The following CDC42BPA variants were observed in gnomAD, a reference collection of about 807,000 sequenced individuals.
CDC42BPA encodes the protein serine/threonine-protein kinase MRCK alpha.
CDC42BPA carries 80 observed loss-of-function variants against 223.5 expected under a neutral mutation model. The ratio of observed to expected loss-of-function variants is 0.36; its 90% CI spans 0.30 to 0.43. The LOEUF (loss-of-function observed/expected upper bound fraction) is 0.43. Among genes scored for constraint, CDC42BPA ranks in the 20% least tolerant of loss-of-function variants. The pLI is 1.00. For missense variants in CDC42BPA, 1,743 were observed against 2,099.9 expected, an observed-to-expected ratio of 0.83 and a Z score of 3.32; for synonymous variants, 694 against 718.6, an observed-to-expected ratio of 0.97 and a Z score of 0.55.
chr1:227,030,684 AAG>A (rs1477868895), intron 28 of CDC42BPA, among the ~76,000 whole-genome samples: 2 of 152,212 alleles, frequency 1.3e-5, no homozygotes, highest in African/African-American at 4.8e-5. Context: ...TACTTACAAA[AAG>A]AAGTAAATGT....
chr1:227,053,689 G>A (rs1220410209), intron 21 of CDC42BPA, among the ~76,000 whole-genome samples: 1 of 152,092 alleles, frequency 6.6e-6, no homozygotes, highest in Non-Finnish European at 1.5e-5. Context: ...AATCAAGGAG[G>A]CTAAGTTATA....
intron 2 of CDC42BPA, among the ~76,000 whole-genome samples, chr1:227,218,292 T>C (rs1394993993): frequency 1.3e-5 from 2 of 152,256 alleles, no homozygotes; most frequent in Admixed American, 6.5e-5. Flanking sequence ...ATCGAAGTCC[T>C]GACTTCACAA....
intron 31 of CDC42BPA, 97 bp downstream of exon 31, chr1:227,025,958 G>A (rs1247979614): frequency 3.5e-5 from 23 of 660,114 alleles, no homozygotes; most frequent in Non-Finnish European, 3.7e-5. Context: ...ACACATTCCA[G>A]AAAATGTTGA....
chr1:227,176,379 T>C (rs1030733852), intron 5 of CDC42BPA, among the ~76,000 whole-genome samples: 2 of 152,208 alleles, frequency 1.3e-5, no homozygotes, highest in African/African-American at 4.8e-5. Flanking sequence ...AAAATTAGAA[T>C]ACTCCATAAT....
chr1:227,098,623 C>T (rs1319764516), intron 15 of CDC42BPA, among the ~76,000 whole-genome samples: 1 of 151,990 alleles, frequency 6.6e-6, no homozygotes, highest in East Asian at 1.9e-4. Context: ...TCCTTTTTCT[C>T]CCTCATCCCA....
intron 5 of CDC42BPA, among the ~76,000 whole-genome samples, chr1:227,167,451 T>C (rs1665242986): frequency 6.6e-6 from 1 of 152,232 alleles, no homozygotes; most frequent in Admixed American, 6.5e-5. Context: ...CATCTGACAC[T>C]GCTGGTTATT....
chr1:227,289,843 G>GGAGTTCCAGACCAGCCTGGGC, intron 1 of CDC42BPA, among the ~76,000 whole-genome samples: 1 of 148,308 alleles, frequency 6.7e-6, no homozygotes, highest in Admixed American at 6.8e-5. Context: ...ACTAGGGCTA[G>GGAGTTCCAGACCAGCCTGGGC]GAGTTCCAGA....
chr1:227,243,152 A>C (rs1680292735), intron 2 of CDC42BPA, among the ~76,000 whole-genome samples: 1 of 152,164 alleles, frequency 6.6e-6, no homozygotes, highest in Admixed American at 6.6e-5. Context: ...GAAGGGAACA[A>C]CACACACTGG....
rs1687096392 is a variant in CDC42BPA, at chr1:227,112,492, T to C, written c.1891-70A>G. 38 of 1,200,768 alleles carry C rather than the reference T, an allele frequency of 3.2e-5. No homozygotes were observed. The South Asian group carries it at 6.0e-4, about 19-fold the overall frequency. The allele number at this position is 1,200,768 out of a possible 1,614,324, so 74.4% of individuals were successfully genotyped here. A position where few individuals can be genotyped will look rare whatever the true frequency, so the allele number is the denominator to read the frequency against. ...TTTCCAAACAAAACATTTATCCCAA[T>C]GAGAATTTACCTTGTAACAGGAAGA... On this transcript the variant is annotated intron_variant, in intron 13 of 36. Transcript: ENST00000366766.
intron 1 of CDC42BPA, among the ~76,000 whole-genome samples, chr1:227,314,914 G>A (rs1459291266): frequency 6.6e-6 from 1 of 151,896 alleles, no homozygotes; most frequent in Non-Finnish European, 1.5e-5. Context: ...CTGAACTGAG[G>A]TCAATTCACA....
chr1:226,997,004 A>G (rs948281828), intron 35 of CDC42BPA, among the ~76,000 whole-genome samples: 2 of 151,948 alleles, frequency 1.3e-5, no homozygotes, highest in African/African-American at 2.4e-5. Flanking sequence ...CTCTTTTTCT[A>G]TTGTTTGGAA....
rs759609746 is a variant in CDC42BPA at position 227,317,178 on chromosome 1, G to A, written c.5C>T (p.Ser2Phe). The change falls in exon 1 of 37, where the codon TCT becomes TTT. Residue 2 changes from serine to phenylalanine, a missense_variant. Coordinates refer to ENST00000366766, the MANE Select transcript of CDC42BPA (RefSeq NM_001394014.1). ...CAACTGCCTCAAACGCACTTCTCCA[G>A]ACATGTTTGCTTCGATTTCTGCTGG... M[S>F]GEVRLRQLEQ... The A allele has an allele frequency of 1.2e-6, 2 of 1,604,092 alleles. No homozygotes were observed. The highest frequency in any genetic ancestry group is 2.2e-5 in the East Asian group (1 of 44,634).
chr1:227,131,924 G>A (rs2149526597), intron 10 of CDC42BPA, among the ~76,000 whole-genome samples: 1 of 152,290 alleles, frequency 6.6e-6, no homozygotes, highest in African/African-American at 2.4e-5. Flanking sequence ...TCTACTGCAG[G>A]TGGTACCATC....
At chr1:227,135,670 T>C (rs1200154023) in intron 10 of CDC42BPA, among the ~76,000 whole-genome samples, 1 of 151,838 alleles carries the variant, frequency 6.6e-6, no homozygotes, top group Non-Finnish European at 1.5e-5. Flanking sequence ...CTGGCTTACA[T>C]GGTGAAACCT....
intron 4 of CDC42BPA, among the ~76,000 whole-genome samples, chr1:227,195,704 T>A (rs74326055): frequency 6.6e-6 from 1 of 151,864 alleles, no homozygotes; most frequent in African/African-American, 2.4e-5. Flanking sequence ...CCTATATTAT[T>A]ATATCATATT....
chr1:227,033,457 A>G (rs1558333358), intron 26 of CDC42BPA, 42 bp from the exon 27 acceptor site: 7 of 1,358,738 alleles, frequency 5.2e-6, no homozygotes, highest in South Asian at 1.2e-5. Flanking sequence ...ATATGTGGCT[A>G]TGTGTGTGTG....
At chr1:227,211,817 T>C (rs1673961625) in intron 3 of CDC42BPA, among the ~76,000 whole-genome samples, 1 of 152,140 alleles carries the variant, frequency 6.6e-6, no homozygotes, top group Non-Finnish European at 1.5e-5. Context: ...TTGGGTCCAA[T>C]GTTCACTATT....
chr1:227,074,191 A>AC, intron 18 of CDC42BPA, 68 bp downstream of exon 18: 1 of 1,371,770 alleles, frequency 7.3e-7, no homozygotes, highest in Non-Finnish European at 1.0e-6. Flanking sequence ...AATTGGATTT[A>AC]TTATAGTGTT....
At chr1:227,068,424 TG>T (rs1677551988) in intron 21 of CDC42BPA, 1 of 160,882 alleles carries the variant, frequency 6.2e-6, no homozygotes, top group South Asian at 2.1e-4. Flanking sequence ...CTGAAAATAC[TG>T]GGATTCTACA....
Sources: gnomAD v4.1 joint callset for allele counts (sites outside exome capture counted in the v4.1 genomes callset) on GRCh38, gnomAD v4.1.1 for gene constraint, MANE v1.5 for transcripts, NCBI Gene and HGNC (gene_info 2026-07-23, HGNC 2026-07-21) for gene names.